EYS: variants seen among roughly 807,000 people sequenced by gnomAD.
The protein encoded by EYS is EGF-like photoreceptor maintenance factor.
In EYS, 250 loss-of-function variants were observed where a neutral mutation model predicts 282.1. The observed-to-expected ratio is 0.89, with a 90% CI of 0.80 to 0.98. The LOEUF (loss-of-function observed/expected upper bound fraction) is 0.98. Ranked by LOEUF, EYS falls within the 50% of genes least tolerant of loss-of-function variation. EYS has a pLI of 0.00. For synonymous variants in EYS, 1,355 were observed against 1,282.9 expected, an observed-to-expected ratio of 1.06 and a Z score of -1.20; for missense variants, 4,016 against 3,709.0, an observed-to-expected ratio of 1.08 and a Z score of -2.15.
At chr6:65,556,723 A>G (rs1162618334) in intron 2 of EYS, among the ~76,000 whole-genome samples, 1 of 152,106 alleles carries the variant, frequency 6.6e-6, no homozygotes, top group African/African-American at 2.4e-5. Context: ...TTTTCTTGTA[A>G]TATGTCTTTA....
intron 33 of EYS, among the ~76,000 whole-genome samples, chr6:64,038,812 T>C (rs528426920): frequency 1.2e-4 from 19 of 152,050 alleles, no homozygotes; most frequent in African/African-American, 2.6e-4. Context: ...TTCTTTCTTT[T>C]TTTTTTTCTT....
intron 2 of EYS, among the ~76,000 whole-genome samples, chr6:65,622,295 G>T (rs907066414): frequency 2.0e-5 from 3 of 152,122 alleles, no homozygotes; most frequent in African/African-American, 7.2e-5. Flanking sequence ...ACTGAAAACA[G>T]TTGCTCTGTA....
At chr6:63,754,178 C>T (rs1769417312) in intron 41 of EYS, among the ~76,000 whole-genome samples, 1 of 151,930 alleles carries the variant, frequency 6.6e-6, no homozygotes, top group Non-Finnish European at 1.5e-5. Context: ...TGGAGGGACA[C>T]TATTTTATTT....
At chr6:64,982,642 A>G (rs1770716669) in intron 14 of EYS, among the ~76,000 whole-genome samples, 1 of 151,232 alleles carries the variant, frequency 6.6e-6, no homozygotes, top group Non-Finnish European at 1.5e-5. Context: ...TTCAATCTAT[A>G]TAGATATATA....
chr6:65,265,062 T>C (rs1000889407), intron 12 of EYS, among the ~76,000 whole-genome samples: 8 of 151,950 alleles, frequency 5.3e-5, no homozygotes, highest in African/African-American at 1.4e-4. Context: ...TAAGTACACA[T>C]GGGCAACAAC....
At chr6:63,750,602 C>T (rs1769319608) in intron 41 of EYS, among the ~76,000 whole-genome samples, 1 of 152,184 alleles carries the variant, frequency 6.6e-6, no homozygotes, top group African/African-American at 2.4e-5. Flanking sequence ...AGCCCTCAGA[C>T]AAGCCAGAAC....
chr6:65,202,238 A>C (rs757742586), intron 12 of EYS, among the ~76,000 whole-genome samples: 6 of 152,226 alleles, frequency 3.9e-5, no homozygotes, highest in Non-Finnish European at 7.3e-5. Flanking sequence ...TCAAAGTAAT[A>C]AAAAATAAAG....
At chr6:65,387,140 A>G (rs999096051) in intron 7 of EYS, among the ~76,000 whole-genome samples, 11 of 152,096 alleles carry the variant, frequency 7.2e-5, no homozygotes, top group African/African-American at 2.6e-4. Context: ...CCTTTTGCCA[A>G]TAAAGCCAAC....
intron 14 of EYS, among the ~76,000 whole-genome samples, chr6:64,976,652 G>T (rs1770484403): frequency 6.6e-6 from 1 of 151,874 alleles, no homozygotes; most frequent in African/African-American, 2.4e-5. Flanking sequence ...TTGGGGGTAG[G>T]ATTTTCATAT....
Position 64,813,535 on chromosome 6 carries a change from T to C in EYS, c.3286A>G (p.Lys1096Glu). The C allele has an allele frequency of 6.5e-7, 1 of 1,550,230 alleles. No homozygotes were observed. Among genetic ancestry groups the C allele is most frequent in the East Asian group, 2.4e-5 (1 of 40,874 alleles). Residue 1096 changes from lysine (K) to glutamate (E), a missense_variant, in exon 22 of 43, where the codon AAG becomes GAG. Transcript: ENST00000503581. ...IPCMNEGFCQ[K>E]SAHGFTCICP... ...ATGCAAGTAAATCCATGTGCTGACT[T>C]CTGACAGAAGCCTTCATTCATACAA...
intron 14 of EYS, among the ~76,000 whole-genome samples, chr6:64,988,718 C>G (rs1377036129): frequency 6.6e-6 from 1 of 151,526 alleles, no homozygotes; most frequent in African/African-American, 2.4e-5. Context: ...TAATTAAACC[C>G]TGACAAAATA....
At chr6:65,236,987 G>A (rs1035905478) in intron 12 of EYS, among the ~76,000 whole-genome samples, 4 of 152,102 alleles carry the variant, frequency 2.6e-5, no homozygotes, top group African/African-American at 4.8e-5. Flanking sequence ...GTATAAGGTC[G>A]TAGATGTGCT....
chr6:64,439,388 A>T, intron 26 of EYS, 36 bp from the exon 27 acceptor site: 1 of 1,355,584 alleles, frequency 7.4e-7, no homozygotes, highest in Non-Finnish European at 9.8e-7. Context: ...TTTAGGTTGA[A>T]ATAAATATTC....
rs528327769 is a variant in EYS at position 65,705,810 on chromosome 6, G to C, written c.-448+1325C>G. On this transcript the variant is annotated intron_variant, in intron 1 of 42. Coordinates refer to ENST00000503581, the MANE Select transcript of EYS (RefSeq NM_001142800.2). ...TTTTGTTTAAAAGGGCCATTTTTAG[G>C]CCAATTAAAACTATTAAGTTAAAAA... Among the ~76,000 whole-genome samples the C allele has an allele frequency of 2.0e-5, 3 of 151,920 alleles. No homozygotes were observed. The East Asian group carries it at 5.8e-4, about 29-fold the overall frequency.
At chr6:64,796,752 T>C (rs1774366690) in intron 22 of EYS, among the ~76,000 whole-genome samples, 1 of 152,122 alleles carries the variant, frequency 6.6e-6, no homozygotes, top group Non-Finnish European at 1.5e-5. Flanking sequence ...AATATGAACA[T>C]TTCTATTACA....
At chr6:63,732,683 G>T (rs1260348669) in intron 41 of EYS, among the ~76,000 whole-genome samples, 1 of 152,020 alleles carries the variant, frequency 6.6e-6, no homozygotes, top group East Asian at 1.9e-4. Flanking sequence ...TTCCTGATTG[G>T]CTATCCATCT....
chr6:65,577,993 A>G (rs912248340), intron 2 of EYS, among the ~76,000 whole-genome samples: 2 of 151,892 alleles, frequency 1.3e-5, no homozygotes, highest in African/African-American at 4.8e-5. Flanking sequence ...ATAAATTAGT[A>G]AAGACCTTAT....
At chr6:64,557,801 T>G (rs963451138) in intron 26 of EYS, among the ~76,000 whole-genome samples, 1 of 152,092 alleles carries the variant, frequency 6.6e-6, no homozygotes, top group Admixed American at 6.6e-5. Flanking sequence ...GTCAATAAAG[T>G]TTTGTCAGAA....
At chr6:64,217,097 G>A (rs1257996542) in intron 31 of EYS, among the ~76,000 whole-genome samples, 2 of 152,148 alleles carry the variant, frequency 1.3e-5, no homozygotes, top group Non-Finnish European at 2.9e-5. Flanking sequence ...GTTGTAGAAT[G>A]TAAACACCAT....
Sources: allele counts gnomAD v4.1 joint callset (sites outside exome capture counted in the v4.1 genomes callset), GRCh38; gene constraint gnomAD v4.1.1; transcripts MANE v1.5; gene names NCBI Gene and HGNC (gene_info 2026-07-23, HGNC 2026-07-21).